Variants in EPHA3 observed in about 807,000 individuals in gnomAD.
The protein encoded by EPHA3 is EPH receptor A3, also known as ephrin type-A receptor 3.
In EPHA3, 42 loss-of-function variants were observed where a neutral mutation model predicts 107.1. That is an observed-to-expected ratio of 0.39 (90% confidence interval 0.31 to 0.51). The LOEUF (loss-of-function observed/expected upper bound fraction) is 0.51. Ranked by LOEUF, EPHA3 falls within the 20% of genes least tolerant of loss-of-function variation. The pLI, the probability that EPHA3 is intolerant of heterozygous loss-of-function variation, is 0.78. For missense variants in EPHA3, 1,183 were observed against 1,211.2 expected, an observed-to-expected ratio of 0.98 and a Z score of 0.35; for synonymous variants, 461 against 424.8, an observed-to-expected ratio of 1.09 and a Z score of -1.05.
intron 3 of EPHA3, among the ~76,000 whole-genome samples, chr3:89,243,130 A>G (rs926589592): frequency 6.6e-6 from 1 of 152,028 alleles, no homozygotes; most frequent in Non-Finnish European, 1.5e-5. Context: ...TATATGTGCC[A>G]TATTTTCTTA....
At chr3:89,352,902 C>CAAAAAAAAAAAAAAAAAAAAAAAAAAA (rs1215369952) in intron 5 of EPHA3, among the ~76,000 whole-genome samples, 2 of 41,004 alleles carry the variant, frequency 4.9e-5, no homozygotes, top group African/African-American at 2.0e-4. Flanking sequence ...GACTCTGTCT[C>CAAAAAAAAAAAAAAAAAAAAAAAAAAA]AAAAAAAAAA....
chr3:89,372,358 C>T (rs1016722953), intron 5 of EPHA3, among the ~76,000 whole-genome samples: 4 of 151,624 alleles, frequency 2.6e-5, no homozygotes, highest in Non-Finnish European at 5.9e-5. Flanking sequence ...CTAGCAGCAA[C>T]CCCCTCACCC....
chr3:89,126,814 GAATT>G (rs1201019854), intron 1 of EPHA3, among the ~76,000 whole-genome samples: 18 of 151,796 alleles, frequency 1.2e-4, no homozygotes, highest in Non-Finnish European at 1.3e-4. Flanking sequence ...TTTAAGAAAT[GAATT>G]AATTGTGGAA....
At chr3:89,308,254 T>C (rs1326829001) in intron 3 of EPHA3, among the ~76,000 whole-genome samples, 1 of 151,930 alleles carries the variant, frequency 6.6e-6, no homozygotes, top group African/African-American at 2.4e-5. Flanking sequence ...AGTACATAAC[T>C]GTGTATAAGT....
intron 5 of EPHA3, among the ~76,000 whole-genome samples, chr3:89,395,227 A>G (rs930117504): frequency 3.3e-5 from 5 of 152,206 alleles, no homozygotes; most frequent in African/African-American, 1.2e-4. Context: ...TTTTTAAGAA[A>G]TAAAACTGTA....
chr3:89,479,902 C>A lies in EPHA3; in HGVS notation c.*400C>A. ...AAAAGACTTGTAATATTTTTATATA[C>A]AGAGGAAATCTGTAACAGGTATTTT... On this transcript the variant is annotated 3_prime_UTR_variant, in exon 17 of 17. Coordinates refer to ENST00000336596, the MANE Select transcript of EPHA3 (RefSeq NM_005233.6). The A allele has an allele frequency of 4.1e-6, 1 of 242,782 alleles. No homozygotes were observed. The highest frequency in any genetic ancestry group is 8.1e-6 in the Non-Finnish European group (1 of 123,894). The allele number at this position is 242,782 out of a possible 1,614,324, so 15.0% of individuals were successfully genotyped here.
At chr3:89,455,260 A>G (rs906691480) in intron 15 of EPHA3, among the ~76,000 whole-genome samples, 2 of 152,164 alleles carry the variant, frequency 1.3e-5, no homozygotes, top group Non-Finnish European at 2.9e-5. Flanking sequence ...AAAGAGTCTG[A>G]GGAGCTGATG....
At chr3:89,388,843 ATTTGAAATTATGTGATT>A (rs2107495268) in intron 5 of EPHA3, among the ~76,000 whole-genome samples, 1 of 152,290 alleles carries the variant, frequency 6.6e-6, no homozygotes, top group Admixed American at 6.5e-5. Context: ...GAAAACCTAG[ATTTGAAATTATGTGATT>A]TTGAAAGAGA....
At chr3:89,426,899 T>C (rs1307400424) in intron 11 of EPHA3, among the ~76,000 whole-genome samples, 1 of 151,896 alleles carries the variant, frequency 6.6e-6, no homozygotes, top group African/African-American at 2.4e-5. Flanking sequence ...TATTCATTCA[T>C]TTCATTTCAG....
intron 2 of EPHA3, among the ~76,000 whole-genome samples, chr3:89,158,980 T>C (rs1467640017): frequency 6.6e-6 from 1 of 152,100 alleles, no homozygotes; most frequent in East Asian, 1.9e-4. Flanking sequence ...AAATAATACA[T>C]CACTGTAGGG....
chr3:89,107,852 C>T lies in EPHA3; in HGVS notation c.88+16C>T, dbSNP rs2106932882. ...TCCAATGAAGGTAAGCCAGGTACCG[C>T]GACGCACGGAGCTCTGCCCCGCGGG... is the stretch of plus-strand genomic sequence containing the variant. On this transcript the variant is annotated intron_variant, in intron 1 of 16. Coordinates refer to ENST00000336596, the MANE Select transcript of EPHA3 (RefSeq NM_005233.6). 3.7e-6 allele frequency: 6 copies of T among 1,612,202 alleles called. No homozygotes were observed. The highest frequency in any genetic ancestry group is 5.1e-6 in the Non-Finnish European group (6 of 1,178,416).
intron 13 of EPHA3, among the ~76,000 whole-genome samples, chr3:89,448,165 G>A (rs1709913803): frequency 6.6e-6 from 1 of 152,004 alleles, no homozygotes; most frequent in Non-Finnish European, 1.5e-5. Context: ...TTCTACTCAG[G>A]GTAAGTTCCA....
intron 7 of EPHA3, among the ~76,000 whole-genome samples, chr3:89,406,408 T>C (rs1709055467): frequency 6.6e-6 from 1 of 152,074 alleles, no homozygotes; most frequent in African/African-American, 2.4e-5. Flanking sequence ...GTCAGTAAAC[T>C]TTTTTCTGTA....
chr3:89,324,324 T>C (rs1707115542), intron 3 of EPHA3, among the ~76,000 whole-genome samples: 2 of 151,416 alleles, frequency 1.3e-5, no homozygotes, highest in Non-Finnish European at 2.9e-5. Flanking sequence ...TGTGCAAACA[T>C]GCCGTGCTAT....
chr3:89,219,704 TTTTTTG>T (rs1167083368), intron 3 of EPHA3, among the ~76,000 whole-genome samples: 139 of 9,164 alleles, frequency 0.015, 23 homozygotes, highest in Middle Eastern at 0.045. Context: ...TTTTTTTTTG[TTTTTTG>T]TTTTTTTTTT....
chr3:89,187,545 C>A (rs545423774), intron 2 of EPHA3, among the ~76,000 whole-genome samples: 88 of 151,576 alleles, frequency 5.8e-4, no homozygotes, highest in African/African-American at 2.0e-3. Context: ...TGCACTGTTG[C>A]AAATATAAAA....
chr3:89,385,683 G>A (rs1708602420), intron 5 of EPHA3, among the ~76,000 whole-genome samples: 1 of 152,102 alleles, frequency 6.6e-6, no homozygotes. Context: ...CTGCTATAAG[G>A]ATACCCAAAA....
chr3:89,220,244 A>G (rs1197794443), intron 3 of EPHA3, among the ~76,000 whole-genome samples: 2 of 152,212 alleles, frequency 1.3e-5, no homozygotes, highest in Non-Finnish European at 2.9e-5. Flanking sequence ...ATACATTAGC[A>G]GAGCTCGAAT....
At chr3:89,328,228 C>G (rs1707211003) in intron 3 of EPHA3, among the ~76,000 whole-genome samples, 1 of 152,158 alleles carries the variant, frequency 6.6e-6, no homozygotes, top group African/African-American at 2.4e-5. Context: ...TTTTTTCCCT[C>G]TACCCAATAA....
Sources: allele counts gnomAD v4.1 joint callset (sites outside exome capture counted in the v4.1 genomes callset), GRCh38; gene constraint gnomAD v4.1.1; transcripts MANE v1.5; gene names NCBI Gene and HGNC (gene_info 2026-07-23, HGNC 2026-07-21).